Variants in STXBP5L observed in about 807,000 individuals in gnomAD.
STXBP5L encodes syntaxin-binding protein 5-like.
STXBP5L carries 65 observed loss-of-function variants against 144.5 expected under a neutral mutation model. That is an observed-to-expected ratio of 0.45 (90% CI 0.37 to 0.55). The LOEUF (loss-of-function observed/expected upper bound fraction) is 0.55. Ranked by LOEUF, STXBP5L falls within the 20% of genes least tolerant of loss-of-function variation. The pLI, the probability that STXBP5L is intolerant of heterozygous loss-of-function variation, is 0.00. For synonymous variants in STXBP5L, 505 were observed against 469.6 expected (o/e 1.08, Z -0.97); for missense variants, 1,298 against 1,405.5 (o/e 0.92, Z 1.22).
chr3:121,190,142 G>A (rs915821676), intron 9 of STXBP5L, among the ~76,000 whole-genome samples: 6 of 151,982 alleles, frequency 3.9e-5, no homozygotes, highest in Non-Finnish European at 8.8e-5. Context: ...AATAGTGGAG[G>A]GAAGGTCAGC....
At chr3:121,305,163 T>A (rs990923758) in intron 19 of STXBP5L, among the ~76,000 whole-genome samples, 23 of 152,134 alleles carry the variant, frequency 1.5e-4, no homozygotes, top group Non-Finnish European at 2.2e-4. Context: ...CATTTTTTAA[T>A]TCAAAATTAA....
intron 22 of STXBP5L, among the ~76,000 whole-genome samples, chr3:121,388,403 G>A (rs535387379): frequency 7.2e-5 from 11 of 152,194 alleles, no homozygotes; most frequent in South Asian, 4.2e-4. Flanking sequence ...TTCTCTTGCC[G>A]GATTGCCCTG....
At chr3:121,078,774 A>C (rs1422049243) in intron 5 of STXBP5L, among the ~76,000 whole-genome samples, 2 of 152,146 alleles carry the variant, frequency 1.3e-5, no homozygotes, top group Non-Finnish European at 2.9e-5. Context: ...GACCCAGTAC[A>C]CCCTCCGCAG....
At chr3:120,932,703 GC>G (rs1263507219) in intron 2 of STXBP5L, among the ~76,000 whole-genome samples, 1 of 152,026 alleles carries the variant, frequency 6.6e-6, no homozygotes, top group Non-Finnish European at 1.5e-5. Context: ...CTGGGTATAT[GC>G]CCAAAGGATT....
chr3:121,114,435 T>C (rs2044143424), intron 5 of STXBP5L, among the ~76,000 whole-genome samples: 1 of 152,194 alleles, frequency 6.6e-6, no homozygotes, highest in Non-Finnish European at 1.5e-5. Context: ...AATATGACCT[T>C]TATGTATTTG....
At chr3:120,961,966 C>T (rs1246671546) in intron 3 of STXBP5L, among the ~76,000 whole-genome samples, 3 of 152,198 alleles carry the variant, frequency 2.0e-5, no homozygotes, top group Non-Finnish European at 4.4e-5. Flanking sequence ...GATTGCCATT[C>T]CAACTGGCAT....
intron 2 of STXBP5L, among the ~76,000 whole-genome samples, chr3:120,943,894 T>C (rs1450180558): frequency 6.6e-6 from 1 of 151,452 alleles, no homozygotes; most frequent in Non-Finnish European, 1.5e-5. Flanking sequence ...TCGCTTTCTC[T>C]CTTTTTCTCT....
At chr3:121,239,879 A>G (rs1427004190) in intron 13 of STXBP5L, among the ~76,000 whole-genome samples, 1 of 151,854 alleles carries the variant, frequency 6.6e-6, no homozygotes, top group Non-Finnish European at 1.5e-5. Flanking sequence ...AAAATAAAAT[A>G]AAATAAAGAA....
At chr3:121,185,329 T>C (rs986251156) in intron 9 of STXBP5L, among the ~76,000 whole-genome samples, 110 of 152,350 alleles carry the variant, frequency 7.2e-4, no homozygotes, top group African/African-American at 2.6e-3. Flanking sequence ...ATTTTGGCTT[T>C]TATTGCCATT....
chr3:120,973,849 C>T (rs1217362342), intron 3 of STXBP5L, among the ~76,000 whole-genome samples: 1 of 151,916 alleles, frequency 6.6e-6, no homozygotes, highest in Non-Finnish European at 1.5e-5. Flanking sequence ...CAATTTCATC[C>T]ATTCCCTACA....
chr3:121,187,421 G>C (rs1487512514), intron 9 of STXBP5L, among the ~76,000 whole-genome samples: 1 of 139,486 alleles, frequency 7.2e-6, no homozygotes, highest in African/African-American at 2.6e-5. Context: ...GGAGCGGGGA[G>C]GGGGGAGGGA....
At chr3:121,018,524 A>C (rs1945303892) in intron 3 of STXBP5L, among the ~76,000 whole-genome samples, 2 of 21,880 alleles carry the variant, frequency 9.1e-5, no homozygotes, top group Non-Finnish European at 2.3e-4. Context: ...TCCATATACC[A>C]AAAAAAAAAA....
At chr3:120,926,299 C>T (rs1709622049) in intron 2 of STXBP5L, among the ~76,000 whole-genome samples, 1 of 148,498 alleles carries the variant, frequency 6.7e-6, no homozygotes, top group Non-Finnish European at 1.5e-5. Context: ...AAGACTTTGT[C>T]TCTCCTTCAT....
chr3:121,053,683 G>A (rs1212711033), intron 5 of STXBP5L, among the ~76,000 whole-genome samples: 3 of 152,138 alleles, frequency 2.0e-5, no homozygotes, highest in Non-Finnish European at 4.4e-5. Context: ...CATGGGCAAG[G>A]ACTTCATGTC....
Position 121,257,184 on chromosome 3 carries a change from T to C in STXBP5L, c.1683T>C (p.Tyr561=). Residue 561 remains tyrosine, a synonymous_variant, in exon 17 of 27, where the codon TAT becomes TAC. Coordinates refer to ENST00000471454, the MANE Select transcript of STXBP5L (RefSeq NM_001308330.2). ...EIVSLEVRLQ[Y]DVEDIITPEP... is the part of the protein sequence containing the mutation. ...AGTCATTAGAGGTACGACTTCAGTA[T>C]GATGTTGAAGATATTATTACCCCTG... 6.2e-7 allele frequency: 1 copy of C among 1,611,838 alleles called. No individual in the cohort carries two copies. The highest frequency in any genetic ancestry group is 8.5e-7 in the Non-Finnish European group (1 of 1,178,582).
intron 3 of STXBP5L, among the ~76,000 whole-genome samples, chr3:120,977,765 G>C (rs1156441727): frequency 6.6e-6 from 1 of 152,102 alleles, no homozygotes; most frequent in African/African-American, 2.4e-5. Flanking sequence ...CTCAGCATTT[G>C]CTTGTCTGTG....
chr3:121,141,035 T>G (rs1337310146), intron 7 of STXBP5L, among the ~76,000 whole-genome samples: 3 of 152,078 alleles, frequency 2.0e-5, no homozygotes, highest in African/African-American at 7.2e-5. Flanking sequence ...ATAAAAGAAA[T>G]AAACTTTTTA....
intron 18 of STXBP5L, among the ~76,000 whole-genome samples, chr3:121,263,653 G>T (rs1384341620): frequency 1.3e-5 from 2 of 151,408 alleles, no homozygotes; most frequent in Non-Finnish European, 3.0e-5. Flanking sequence ...GAAAAATACA[G>T]CACGTGAAGC....
At chr3:120,932,358 T>C (rs894730308) in intron 2 of STXBP5L, among the ~76,000 whole-genome samples, 3 of 152,216 alleles carry the variant, frequency 2.0e-5, no homozygotes, top group African/African-American at 7.2e-5. Flanking sequence ...GAGAAAGTAA[T>C]GCAGATGTTA....
Sources: allele counts gnomAD v4.1 joint callset (sites outside exome capture counted in the v4.1 genomes callset), GRCh38; gene constraint gnomAD v4.1.1; transcripts MANE v1.5; gene names NCBI Gene and HGNC (gene_info 2026-07-23, HGNC 2026-07-21).